Variants in MAP2 observed in about 807,000 individuals in gnomAD.
MAP2 encodes the protein microtubule-associated protein 2.
A neutral mutation model predicts 137.6 loss-of-function variants in MAP2; 14 were observed. The observed-to-expected ratio is 0.10, with a 90% confidence interval of 0.07 to 0.16. The LOEUF (loss-of-function observed/expected upper bound fraction) is 0.16. Ranked by LOEUF, MAP2 falls within the 10% of genes least tolerant of loss-of-function variation. The pLI is 1.00. For missense variants in MAP2, 2,088 were observed against 2,191.5 expected (o/e 0.95, Z 0.94); for synonymous variants, 786 against 782.3 (o/e 1.00, Z -0.08).
chr2:209,602,647 C>T (rs1039884136), intron 3 of MAP2, among the ~76,000 whole-genome samples: 6 of 152,190 alleles, frequency 3.9e-5, no homozygotes, highest in Admixed American at 6.5e-5. Flanking sequence ...TTTTGATGAA[C>T]TCAGAAGAAG....
intron 2 of MAP2, among the ~76,000 whole-genome samples, chr2:209,523,809 A>G (rs891024019): frequency 3.3e-5 from 5 of 152,164 alleles, no homozygotes; most frequent in African/African-American, 1.2e-4. Context: ...TTAAGTGCTT[A>G]GTGTTGTTTA....
At chr2:209,438,204 C>T (rs370665160) in intron 1 of MAP2, among the ~76,000 whole-genome samples, 9 of 151,300 alleles carry the variant, frequency 5.9e-5, no homozygotes, top group East Asian at 3.9e-4. Flanking sequence ...GAAAAAAATT[C>T]GTATTTTATT....
At position 209,489,113 on chromosome 2, in the gene MAP2, T is replaced by A. The variant is rs375751770; in HGVS notation, c.-221-18479T>A. Reference sequence around the variant, plus strand: ...AAGGAGCAGTCAGCAATCTTTACTGTCCTGCAACCTTCGCTGATGATACCC... The same window carrying A: ...AAGGAGCAGTCAGCAATCTTTACTGACCTGCAACCTTCGCTGATGATACCC... On this transcript the variant is annotated intron_variant, in intron 1 of 15. Transcript: ENST00000682079. Among the ~76,000 whole-genome samples the A allele has an allele frequency of 8.7e-4, 133 of 152,298 alleles. 1 individual carries two copies. The South Asian group carries it at 0.016, about 18-fold the overall frequency.
intron 2 of MAP2, among the ~76,000 whole-genome samples, chr2:209,543,074 A>G (rs2067340331): frequency 6.6e-6 from 1 of 152,216 alleles, no homozygotes; most frequent in African/African-American, 2.4e-5. Flanking sequence ...ATTTAAAGTG[A>G]GAGATATGTA....
At position 209,476,917 on chromosome 2, in the gene MAP2, G is replaced by A. The variant is rs1220368265; in HGVS notation, c.-221-30675G>A. ...CATGTAAAGGCAATTCCTTTTTCCTGTCCTAATTGAATTCAGTTAAGCATT... is the reference window on the plus strand; with the variant it reads ...CATGTAAAGGCAATTCCTTTTTCCTATCCTAATTGAATTCAGTTAAGCATT... On this transcript the variant is annotated intron_variant, in intron 1 of 15. Coordinates refer to ENST00000682079, the MANE Select transcript of MAP2 (RefSeq NM_001375505.1). 2.6e-5 allele frequency among the ~76,000 whole-genome samples: 4 copies of A among 152,038 alleles called. No individual in the cohort carries two copies. The East Asian group carries it at 7.7e-4, about 29-fold the overall frequency.
intron 1 of MAP2, among the ~76,000 whole-genome samples, chr2:209,480,827 C>A (rs1289343297): frequency 2.0e-5 from 3 of 152,106 alleles, no homozygotes; most frequent in African/African-American, 7.2e-5. Context: ...CCATTGTAAT[C>A]ATTAGCTTAG....
chr2:209,656,468 C>A (rs1015550551), intron 5 of MAP2, among the ~76,000 whole-genome samples: 24 of 152,082 alleles, frequency 1.6e-4, no homozygotes, highest in African/African-American at 5.8e-4. Flanking sequence ...TGTGATCAGG[C>A]CACTGCACTT....
At chr2:209,653,085 C>A in intron 4 of MAP2, 57 bp from the exon 5 acceptor site, 1 of 1,392,188 alleles carries the variant, frequency 7.2e-7, no homozygotes, top group Non-Finnish European at 9.6e-7. Context: ...CTTGGTACAA[C>A]CAATATCAGA....
chr2:209,439,091 T>C (rs1697103364), intron 1 of MAP2, among the ~76,000 whole-genome samples: 1 of 151,406 alleles, frequency 6.6e-6, no homozygotes, highest in Non-Finnish European at 1.5e-5. Flanking sequence ...TGCCTCCTCA[T>C]TGATGGTATA....
intron 5 of MAP2, chr2:209,661,346 C>G (rs1044343489): frequency 2.2e-5 from 4 of 181,862 alleles, no homozygotes; most frequent in African/African-American, 9.6e-5. Flanking sequence ...AAGCCATCCA[C>G]ACCAACCCCC....
intron 4 of MAP2, among the ~76,000 whole-genome samples, chr2:209,652,476 CT>C (rs929802993): frequency 9.2e-5 from 14 of 151,536 alleles, no homozygotes; most frequent in African/African-American, 1.4e-4. Flanking sequence ...ATCTTTCTTT[CT>C]TTTTTTTTAT....
chr2:209,580,767 C>T (rs920787964), intron 3 of MAP2, among the ~76,000 whole-genome samples: 3 of 152,124 alleles, frequency 2.0e-5, no homozygotes, highest in Non-Finnish European at 4.4e-5. Flanking sequence ...TCATGCCTTA[C>T]ATGAAAAACA....
intron 2 of MAP2, among the ~76,000 whole-genome samples, chr2:209,549,593 C>G (rs939353663): frequency 6.6e-6 from 1 of 152,040 alleles, no homozygotes; most frequent in Non-Finnish European, 1.5e-5. Flanking sequence ...TTTATTCTTT[C>G]AACCTTTACA....
intron 4 of MAP2, among the ~76,000 whole-genome samples, chr2:209,627,909 G>A (rs988389663): frequency 2.6e-5 from 4 of 152,110 alleles, no homozygotes; most frequent in Non-Finnish European, 5.9e-5. Flanking sequence ...AAACTGGATA[G>A]GATAATAGGA....
intron 1 of MAP2, among the ~76,000 whole-genome samples, chr2:209,441,193 A>C (rs1184067787): frequency 1.3e-5 from 2 of 151,470 alleles, no homozygotes; most frequent in Admixed American, 6.6e-5. Context: ...GATTATATTC[A>C]CCCTTCCTGT....
At chr2:209,688,045 C>T (rs1415087820) in intron 7 of MAP2, among the ~76,000 whole-genome samples, 2 of 152,086 alleles carry the variant, frequency 1.3e-5, no homozygotes, top group African/African-American at 4.8e-5. Context: ...TGCCTTAATA[C>T]AGGGTGGGAG....
intron 1 of MAP2, among the ~76,000 whole-genome samples, chr2:209,470,459 AT>A (rs1182538359): frequency 6.7e-6 from 1 of 150,038 alleles, no homozygotes; most frequent in Non-Finnish European, 1.5e-5. Flanking sequence ...TAAGTAAAAA[AT>A]ATATATAAAC....
Position 209,729,886 on chromosome 2 carries a change from A to G in MAP2, c.5192A>G (p.Asp1731Gly), listed in dbSNP as rs761341530. The G allele has an allele frequency of 2.5e-6, 4 of 1,613,772 alleles. No individual in the cohort carries two copies. Among genetic ancestry groups the G allele is most frequent in the Non-Finnish European group, 3.4e-6 (4 of 1,179,732 alleles). Residue 1731 changes from aspartate (D) to glycine (G), a missense_variant, in exon 15 of 16, where the codon GAT (aspartate) becomes GGT (glycine). Physicochemically the swap from Asp to Gly is moderately conservative, Grantham distance 94. Transcript: ENST00000682079. ...GRVKIESVKL[D>G]FKEKAQAKVG... ...GTGAAAATTGAGAGTGTAAAACTAG[A>G]TTTCAAAGAAAAGGCCCAAGCTAAA...
intron 1 of MAP2, among the ~76,000 whole-genome samples, chr2:209,427,345 C>A (rs1279255864): frequency 6.7e-6 from 1 of 149,194 alleles, no homozygotes; most frequent in Non-Finnish European, 1.5e-5. Context: ...GAAACAATCT[C>A]AAATTTTTTT....
Sources: allele counts gnomAD v4.1 joint callset (sites outside exome capture counted in the v4.1 genomes callset), GRCh38; gene constraint gnomAD v4.1.1; transcripts MANE v1.5; gene names NCBI Gene and HGNC (gene_info 2026-07-23, HGNC 2026-07-21).